The following RARA variants were observed in gnomAD, a reference collection of about 807,000 sequenced individuals.
The protein encoded by RARA is PML-DDX5-RARA fusion.
A neutral mutation model predicts 42.8 loss-of-function variants in RARA; 5 were observed. The ratio of observed to expected loss-of-function variants is 0.12; its 90% CI spans 0.06 to 0.25. RARA has a LOEUF of 0.25. Ranked by LOEUF, RARA falls within the 10% of genes least tolerant of loss-of-function variation. RARA has a pLI of 1.00. For missense variants in RARA, 402 were observed against 628.7 expected (o/e 0.64, Z 3.86); for synonymous variants, 256 against 259.5 (o/e 0.99, Z 0.13).
intron 2 of RARA, among the ~76,000 whole-genome samples, chr17:40,338,211 A>G (rs2033915502): frequency 1.3e-5 from 2 of 152,228 alleles, no homozygotes; most frequent in South Asian, 4.1e-4. Flanking sequence ...GTACCAGTGC[A>G]GGCCTGCCTG....
intron 2 of RARA, among the ~76,000 whole-genome samples, chr17:40,347,030 C>T (rs1173478163): frequency 6.6e-6 from 1 of 152,226 alleles, no homozygotes; most frequent in African/African-American, 2.4e-5. Flanking sequence ...ACATAGTCAG[C>T]CCCTGGTGTT....
intron 1 of RARA, among the ~76,000 whole-genome samples, chr17:40,319,816 AGGGGGCCGGG>A (rs2033323623): frequency 7.7e-6 from 1 of 130,180 alleles, no homozygotes; most frequent in Non-Finnish European, 1.7e-5. Flanking sequence ...CTTCCCCTGG[AGGGGGCCGGG>A]GGGGGCGGGT....
At chr17:40,353,238 C>CCGGGCACT (rs1328523747) in intron 6 of RARA, among the ~76,000 whole-genome samples, 1 of 151,714 alleles carries the variant, frequency 6.6e-6, no homozygotes, top group Non-Finnish European at 1.5e-5. Context: ...CAGGGGACTG[C>CCGGGCACT]CGGGCACTCG....
intron 1 of RARA, among the ~76,000 whole-genome samples, chr17:40,323,741 T>A (rs1197700741): frequency 1.6e-5 from 1 of 61,238 alleles, no homozygotes; most frequent in Non-Finnish European, 3.1e-5. Context: ...TGGGGGGGGG[T>A]CAATGGGTCG....
At chr17:40,330,759 C>T (rs546825967) in intron 1 of RARA, 98 bp from the exon 2 acceptor site, 38 of 207,198 alleles carry the variant, frequency 1.8e-4, no homozygotes, top group Non-Finnish European at 3.2e-4. Context: ...CTGGGTGCCA[C>T]GGGAAAATCT....
intron 2 of RARA, among the ~76,000 whole-genome samples, chr17:40,343,735 G>A (rs1467486363): frequency 6.6e-6 from 1 of 152,070 alleles, no homozygotes; most frequent in Non-Finnish European, 1.5e-5. Context: ...ATAGGGCCAG[G>A]TCCTGGGCTG....
intron 1 of RARA, among the ~76,000 whole-genome samples, chr17:40,312,250 C>T (rs1413416872): frequency 6.6e-6 from 1 of 152,242 alleles, no homozygotes; most frequent in Non-Finnish European, 1.5e-5. Flanking sequence ...CGCTTGCCTC[C>T]TTTCTCCTCC....
chr17:40,349,706 C>T, intron 3 of RARA, 78 bp from the exon 4 acceptor site: 1 of 1,574,830 alleles, frequency 6.3e-7, no homozygotes, highest in Non-Finnish European at 8.7e-7. Flanking sequence ...TGGCCCTCCT[C>T]CCCTAGACTG....
rs936731651 is a variant in RARA at position 40,326,307 on chromosome 17, C to T, written c.-362-4550C>T. On this transcript the variant is annotated intron_variant, in intron 1 of 8. Transcript: ENST00000254066. The surrounding 1 kb of genome is among the most constrained non-coding windows in gnomAD (Gnocchi z 5.2). The stretch of plus-strand genomic sequence containing the variant: ...CCAGGACTTCCTGTCTGAAATCGCA[C>T]AGCTCGTTGTTGAGGTAGGCAGTTC... Among the ~76,000 whole-genome samples, 10 of 152,226 alleles carry T rather than the reference C, an allele frequency of 6.6e-5. No homozygotes were observed. The highest frequency in any genetic ancestry group is 1.5e-4 in the Non-Finnish European group (10 of 68,044).
In RARA at chr17:40,345,570, C is replaced by T. The variant is rs1009325122; in HGVS notation, c.179-2746C>T. ...GAGCGAGGGAGGGGCACCCTGGCAG[C>T]GTCGGCGGGAGGGGACGCCTGGCTT... On this transcript the variant is annotated intron_variant, in intron 2 of 8. Transcript: ENST00000254066. This position sits in a 1 kb window ranked among gnomAD's most constrained non-coding sequence, Gnocchi z 4.8. 6.7e-6 allele frequency among the ~76,000 whole-genome samples: 1 copy of T among 150,316 alleles called. No individual in the cohort carries two copies. The highest frequency in any genetic ancestry group is 6.6e-5 in the Admixed American group (1 of 15,172).
intron 1 of RARA, among the ~76,000 whole-genome samples, chr17:40,318,061 G>A (rs1216141194): frequency 6.6e-6 from 1 of 152,174 alleles, no homozygotes; most frequent in Non-Finnish European, 1.5e-5. Flanking sequence ...GATTCCCACG[G>A]TCCAGTCTTC....
At chr17:40,330,516 G>A (rs2033663818) in intron 1 of RARA, among the ~76,000 whole-genome samples, 1 of 152,120 alleles carries the variant, frequency 6.6e-6, no homozygotes, top group South Asian at 2.1e-4. Flanking sequence ...CTTGACCTCA[G>A]GTAACCCTCA....
rs543619460 is a variant in RARA at position 40,356,263 on chromosome 17, C to T, written c.*37C>T. The T allele has an allele frequency of 3.5e-4, 538 of 1,537,642 alleles. No homozygotes were observed. Among genetic ancestry groups the T allele is most frequent in the Middle Eastern group, 1.5e-3 (9 of 5,976 alleles). ...ACATGGACACAGCCCTCGCCCTCCG[C>T]CCCGGCTTTTCTCTGCCTTTCTACC... On this transcript the variant is annotated 3_prime_UTR_variant, in exon 9 of 9. Transcript: ENST00000254066.
At chr17:40,315,171 T>TATATATATATACAC (rs1247793097) in intron 1 of RARA, among the ~76,000 whole-genome samples, 1 of 76,578 alleles carries the variant, frequency 1.3e-5, no homozygotes, top group African/African-American at 5.9e-5. Context: ...TATATATATA[T>TATATATATATACAC]ACACACACAC....
rs1361887863 is a variant in RARA, at chr17:40,354,965, G to T, written c.1013-298G>T. Among the ~76,000 whole-genome samples, 1 of 152,216 alleles carries T rather than the reference G, an allele frequency of 6.6e-6. No individual in the cohort carries two copies. Among genetic ancestry groups the T allele is most frequent in the Non-Finnish European group, 1.5e-5 (1 of 68,036 alleles). ...ATCTGGTTTCCAGAATAACAGGGGG[G>T]AGTGGGAGCCTGCCTGGGAACCCTC... On this transcript the variant is annotated intron_variant, in intron 7 of 8. Transcript: ENST00000254066. This position sits in a 1 kb window ranked among gnomAD's most constrained non-coding sequence, Gnocchi z 4.5.
chr17:40,349,520 G>A (rs2034375756), intron 3 of RARA: 2 of 408,100 alleles, frequency 4.9e-6, no homozygotes, highest in Non-Finnish European at 8.9e-6. Context: ...CTTTTCCCTG[G>A]AAGGGAGGAG....
intron 1 of RARA, among the ~76,000 whole-genome samples, chr17:40,318,982 G>T (rs923535507): frequency 6.6e-6 from 1 of 152,220 alleles, no homozygotes; most frequent in African/African-American, 2.4e-5. Context: ...TTGGGTGCGG[G>T]AGCCAATGCA....
Position 40,317,251 on chromosome 17 carries a change from C to G in RARA, c.-363+7965C>G, listed in dbSNP as rs1022013584. Reference sequence around the variant, plus strand: ...GAAGTTCTGTGGGGGCACTTGTGGCCACTTCTCTGCCTGGGAACAGGGCGA... The same window carrying G: ...GAAGTTCTGTGGGGGCACTTGTGGCGACTTCTCTGCCTGGGAACAGGGCGA... On this transcript the variant is annotated intron_variant, in intron 1 of 8. Coordinates refer to ENST00000254066, the MANE Select transcript of RARA (RefSeq NM_000964.4). Among the ~76,000 whole-genome samples the G allele has an allele frequency of 2.0e-5, 3 of 152,040 alleles. No individual in the cohort carries two copies. In the South Asian group the frequency reaches 6.2e-4, roughly 32 times the overall value.
At chr17:40,337,801 T>C (rs112501039) in intron 2 of RARA, among the ~76,000 whole-genome samples, 8 of 152,184 alleles carry the variant, frequency 5.3e-5, no homozygotes, top group African/African-American at 1.9e-4. Context: ...TGTCCTTCCC[T>C]TCTTCCTATC....
Sources: allele counts gnomAD v4.1 joint callset (sites outside exome capture counted in the v4.1 genomes callset), GRCh38; gene constraint gnomAD v4.1.1; non-coding constraint Gnocchi (gnomAD v3.1); transcripts MANE v1.5; gene names NCBI Gene and HGNC (gene_info 2026-07-23, HGNC 2026-07-21).